CELF2: variants seen among roughly 807,000 people sequenced by gnomAD.
CELF2 encodes CUGBP Elav-like family member 2.
In CELF2, 8 loss-of-function variants were observed where a neutral mutation model predicts 62.6. The ratio of observed to expected loss-of-function variants is 0.13; its 90% CI spans 0.07 to 0.23. The LOEUF is 0.23. CELF2 is among the 10% of genes least tolerant of loss of function. CELF2 has a pLI of 1.00. For missense variants in CELF2, 333 were observed against 671.0 expected (o/e 0.50, Z 5.56); for synonymous variants, 258 against 250.0 (o/e 1.03, Z -0.30).
intron 1 of CELF2, among the ~76,000 whole-genome samples, chr10:10,910,697 C>CT (rs1491318444): frequency 1.0e-4 from 3 of 28,668 alleles, no homozygotes; most frequent in South Asian, 2.6e-3. Flanking sequence ...GAGACTCTGC[C>CT]TCAAAAAAAA....
chr10:11,135,100 G>T (rs1479753953), intron 1 of CELF2, among the ~76,000 whole-genome samples: 1 of 152,130 alleles, frequency 6.6e-6, no homozygotes, highest in Non-Finnish European at 1.5e-5. Flanking sequence ...GACACCCTGA[G>T]GAAAAAATGC....
At chr10:10,608,416 G>A in the CELF2 span, among the ~76,000 whole-genome samples, 578 of 152,258 alleles carry the variant, frequency 3.8e-3, 1 homozygote, top group Non-Finnish European at 7.0e-3. Context: ...TAACATCCTG[G>A]ACTTAGTGCA....
In CELF2 at chr10:10,957,287, G is replaced by A. The variant is rs1489127119; in HGVS notation, c.89+37288G>A. Among the ~76,000 whole-genome samples the A allele has an allele frequency of 6.6e-6, 1 of 152,224 alleles. No individual in the cohort carries two copies. The highest frequency in any genetic ancestry group is 2.4e-5 in the African/African-American group (1 of 41,456). On this transcript the variant is annotated intron_variant, in intron 2 of 13. Coordinates refer to the CELF2 transcript ENST00000636488. The surrounding 1 kb of genome is among the most constrained non-coding windows in gnomAD (Gnocchi z 4.1). ...GGTGCTGGTAAAGTTATTGAAAGAA[G>A]TACATTACAGGTAATGGTACATTAG...
intron 1 of CELF2, among the ~76,000 whole-genome samples, chr10:10,806,715 T>C (rs7083333): frequency 0.59 from 90,159 of 152,032 alleles, 26,928 homozygotes; most frequent in African/African-American, 0.67. Flanking sequence ...TCAGTTCTCA[T>C]TGATGACAAG....
the CELF2 span, among the ~76,000 whole-genome samples, chr10:10,662,414 G>A: frequency 3.3e-5 from 5 of 152,090 alleles, no homozygotes; most frequent in Admixed American, 2.0e-4. Context: ...ACCATTGAAC[G>A]TCTGCCTGGT....
In CELF2 at chr10:10,886,025, G is replaced by T. The variant is rs144714567; in HGVS notation, c.54-33939G>T. ...AGTCCATATCTCATGATAGCAGAAA[G>T]AACTCATCTTTCCCACGTGTTCTAA... On this transcript the variant is annotated intron_variant, in intron 1 of 13. Transcript: ENST00000636488. Among the ~76,000 whole-genome samples, 270 of 152,302 alleles carry T rather than the reference G, an allele frequency of 1.8e-3. 1 individual carries two copies. Among genetic ancestry groups the T allele is most frequent in the African/African-American group, 6.0e-3 (251 of 41,578 alleles).
exon 2 of CELF2, chr10:10,919,996 C>A (rs2064734351): frequency 8.1e-7 from 1 of 1,231,388 alleles, no homozygotes; most frequent in Non-Finnish European, 1.0e-6. Context: ...GGGAGTCTAC[C>A]AAGGTGAGCA....
intron 1 of CELF2, among the ~76,000 whole-genome samples, chr10:11,045,525 G>A (rs1450954243): frequency 6.6e-6 from 1 of 152,168 alleles, no homozygotes; most frequent in Non-Finnish European, 1.5e-5. Flanking sequence ...TCAATGAGAT[G>A]ATTCCTATAA....
At chr10:11,036,770 G>C (rs2061020202) in intron 1 of CELF2, among the ~76,000 whole-genome samples, 1 of 152,232 alleles carries the variant, frequency 6.6e-6, no homozygotes, top group Non-Finnish European at 1.5e-5. Flanking sequence ...ATGGGCGGCT[G>C]AGGGAGGAAG....
intron 1 of CELF2, among the ~76,000 whole-genome samples, chr10:10,831,927 G>T (rs2057892825): frequency 6.9e-6 from 1 of 145,838 alleles, no homozygotes; most frequent in African/African-American, 2.6e-5. Context: ...AACCAAGATT[G>T]CACCAGTGCA....
At position 10,990,514 on chromosome 10, in the gene CELF2, T is replaced by C. The variant is rs1008234118; in HGVS notation, c.89+70515T>C. On this transcript the variant is annotated intron_variant, in intron 2 of 13. Transcript: ENST00000636488. This position sits in a 1 kb window ranked among gnomAD's most constrained non-coding sequence, Gnocchi z 4.6. Reference sequence around the variant, plus strand: ...ATAAACGTTATTTTTAAGAGAATCATGTTCTATGTCCAAATTATCACTAAA... The same window carrying C: ...ATAAACGTTATTTTTAAGAGAATCACGTTCTATGTCCAAATTATCACTAAA... Among the ~76,000 whole-genome samples, 2 of 152,172 alleles carry C rather than the reference T, an allele frequency of 1.3e-5. No homozygotes were observed. Among genetic ancestry groups the C allele is most frequent in the Non-Finnish European group, 2.9e-5 (2 of 68,024 alleles).
At chr10:10,901,768 A>C (rs2062954371) in intron 1 of CELF2, among the ~76,000 whole-genome samples, 1 of 152,228 alleles carries the variant, frequency 6.6e-6, no homozygotes, top group Admixed American at 6.5e-5. Context: ...TCCGATGAAG[A>C]AATTGTGTCC....
At chr10:11,112,488 C>T (rs917110460) in intron 1 of CELF2, among the ~76,000 whole-genome samples, 2 of 152,224 alleles carry the variant, frequency 1.3e-5, no homozygotes, top group Non-Finnish European at 2.9e-5. Flanking sequence ...TACACATGCA[C>T]ATTCACATGA....
the CELF2 span, among the ~76,000 whole-genome samples, chr10:10,662,446 C>T: frequency 0.064 from 9,768 of 152,208 alleles, 358 homozygotes; most frequent in Admixed American, 0.097. Flanking sequence ...ACAGAGACAA[C>T]GCAAGCTGAG....
intron 3 of CELF2, among the ~76,000 whole-genome samples, chr10:11,225,007 A>G (rs1000271447): frequency 6.6e-6 from 1 of 152,106 alleles, no homozygotes; most frequent in East Asian, 1.9e-4. Flanking sequence ...GTGGGGAGGG[A>G]AAGAAGTTTC....
chr10:11,055,026 C>G (rs1424713104), intron 1 of CELF2, among the ~76,000 whole-genome samples: 1 of 152,014 alleles, frequency 6.6e-6, no homozygotes, highest in African/African-American at 2.4e-5. Flanking sequence ...CTAGTGTATT[C>G]TTTTAGAGAA....
the CELF2 span, among the ~76,000 whole-genome samples, chr10:10,664,214 A>C: frequency 1.3e-5 from 2 of 152,212 alleles, no homozygotes; most frequent in Non-Finnish European, 2.9e-5. Flanking sequence ...AATAATGGTT[A>C]TAACAATATT....
chr10:11,004,403 C>CTGTGTGTGTGTGCGCGCGCG (rs1554766703), upstream of CELF2, among the ~76,000 whole-genome samples: 1 of 146,518 alleles, frequency 6.8e-6, no homozygotes. The surrounding 1 kb of genome is among the most constrained non-coding windows in gnomAD (Gnocchi z 5.0). Flanking sequence ...CTCTTCTTTC[C>CTGTGTGTGTGTGCGCGCGCG]TGTGTGTGTG....
the CELF2 span, among the ~76,000 whole-genome samples, chr10:10,640,914 C>T: frequency 1.3e-5 from 2 of 152,252 alleles, no homozygotes; most frequent in Non-Finnish European, 2.9e-5. Context: ...CTCCACATTG[C>T]CTGTCACCTC....
Sources: allele counts gnomAD v4.1 joint callset (sites outside exome capture counted in the v4.1 genomes callset), GRCh38; gene constraint gnomAD v4.1.1; non-coding constraint Gnocchi (gnomAD v3.1); transcripts MANE v1.5; gene names NCBI Gene and HGNC (gene_info 2026-07-23, HGNC 2026-07-21).